The following ZMIZ1 variants were observed in gnomAD, a reference collection of about 807,000 sequenced individuals.
ZMIZ1 encodes zinc finger MIZ domain-containing protein 1.
In ZMIZ1, 17 loss-of-function variants were observed where a neutral mutation model predicts 113.9. That is an observed-to-expected ratio of 0.15 (90% CI 0.10 to 0.22). The LOEUF is 0.22. Among genes scored for constraint, ZMIZ1 ranks in the 10% least tolerant of loss-of-function variants. The pLI is 1.00. For synonymous variants in ZMIZ1, 607 were observed against 603.1 expected (o/e 1.01, Z -0.09); for missense variants, 1,059 against 1,477.8 (o/e 0.72, Z 4.65).
At chr10:79,114,500 T>C (rs1358282546) in intron 1 of ZMIZ1, among the ~76,000 whole-genome samples, 6 of 73,360 alleles carry the variant, frequency 8.2e-5, no homozygotes, top group East Asian at 7.8e-4. Context: ...TGTGCGTGTG[T>C]GTGTGCGTGT....
chr10:79,123,966 G>A (rs755250080), intron 2 of ZMIZ1, among the ~76,000 whole-genome samples: 3 of 152,248 alleles, frequency 2.0e-5, no homozygotes, highest in Non-Finnish European at 4.4e-5. Context: ...CCCACTGCGT[G>A]AAATCTGTGG....
At position 79,134,943 on chromosome 10, in the gene ZMIZ1, C is replaced by T. The variant is rs1196815675; in HGVS notation, c.-226-4739C>T. 8.5e-5 allele frequency among the ~76,000 whole-genome samples: 13 copies of T among 152,080 alleles called. No homozygotes were observed. The East Asian group carries it at 1.4e-3, about 16-fold the overall frequency. On this transcript the variant is annotated intron_variant, in intron 2 of 24. Transcript: ENST00000334512. ...AAGTGATTCTCCTGTCTCAGCCTCCCGAGTAGCTGGGATTACAGGCATGCG... is the reference window on the plus strand; with the variant it reads ...AAGTGATTCTCCTGTCTCAGCCTCCTGAGTAGCTGGGATTACAGGCATGCG...
chr10:79,244,460 C>T (rs903500044), intron 7 of ZMIZ1, among the ~76,000 whole-genome samples: 5 of 152,180 alleles, frequency 3.3e-5, no homozygotes, highest in Non-Finnish European at 5.9e-5. Context: ...AGCCATGGTG[C>T]GGTGGGCACC....
chr10:79,253,538 G>A (rs1455146208), intron 7 of ZMIZ1, among the ~76,000 whole-genome samples: 1 of 152,224 alleles, frequency 6.6e-6, no homozygotes, highest in Non-Finnish European at 1.5e-5. Flanking sequence ...CACGTATGCA[G>A]TGGCTTCTCC....
At position 79,130,343 on chromosome 10, in the gene ZMIZ1, A is replaced by G. The variant is rs12261220; in HGVS notation, c.-226-9339A>G. Among the ~76,000 whole-genome samples the G allele has an allele frequency of 8.3e-3, 1,262 of 152,208 alleles. 17 individuals carry two copies. The highest frequency in any genetic ancestry group is 0.029 in the African/African-American group (1,211 of 41,520). The stretch of plus-strand genomic sequence containing the variant: ...TTGTGCCCTCCACCCTCCAACCCCA[A>G]GGTCATGTGAAAGGTCTGGGGACAC... On this transcript the variant is annotated intron_variant, in intron 2 of 24. Coordinates refer to ENST00000334512, the MANE Select transcript of ZMIZ1 (RefSeq NM_020338.4).
Position 79,108,974 on chromosome 10 carries a change from G to A in ZMIZ1, c.-336-9941G>A, listed in dbSNP as rs557863386. 3.3e-5 allele frequency among the ~76,000 whole-genome samples: 5 copies of A among 152,254 alleles called. No individual in the cohort carries two copies. In the South Asian group the frequency reaches 1.0e-3, roughly 32 times the overall value. ...GCCCACGTGCTCTGTGTGCACCTGA[G>A]GCTGTCCACATCCCTGCCCACAGCC... is the stretch of plus-strand genomic sequence containing the variant. On this transcript the variant is annotated intron_variant, in intron 1 of 24. Transcript: ENST00000334512.
At chr10:79,070,295 G>A (rs1842220140) in intron 1 of ZMIZ1, among the ~76,000 whole-genome samples, 1 of 151,910 alleles carries the variant, frequency 6.6e-6, no homozygotes, top group African/African-American at 2.4e-5. Context: ...CAGGAAGCCG[G>A]CCGGGCGGGG....
chr10:79,289,566 G>C (rs1037031359), intron 8 of ZMIZ1, among the ~76,000 whole-genome samples: 2 of 152,202 alleles, frequency 1.3e-5, no homozygotes, highest in Non-Finnish European at 2.9e-5. Flanking sequence ...TCGGGGGAAA[G>C]GTGGCCACTT....
chr10:79,312,537 G>T, intron 24 of ZMIZ1, 105 bp from the exon 25 acceptor site: 1 of 1,246,882 alleles, frequency 8.0e-7, no homozygotes. Flanking sequence ...CTAGGGTCCT[G>T]AGAGGCAGGT....
chr10:79,196,095 T>G (rs746900777), intron 4 of ZMIZ1, among the ~76,000 whole-genome samples: 43 of 152,188 alleles, frequency 2.8e-4, no homozygotes, highest in Non-Finnish European at 4.9e-4. Context: ...CTCCAGAGAC[T>G]GGAGCCTCCA....
chr10:79,252,379 G>C (rs1850606465), intron 7 of ZMIZ1, among the ~76,000 whole-genome samples: 1 of 152,122 alleles, frequency 6.6e-6, no homozygotes, highest in South Asian at 2.1e-4. Flanking sequence ...TTTCTCCCCT[G>C]GGGTTTCTTC....
chr10:79,172,939 A>G (rs1846666590), intron 4 of ZMIZ1, among the ~76,000 whole-genome samples: 1 of 152,226 alleles, frequency 6.6e-6, no homozygotes, highest in Admixed American at 6.5e-5. Flanking sequence ...TTGATAATAC[A>G]GGTGTTTAAA....
At chr10:79,210,170 G>C (rs1848477441) in intron 6 of ZMIZ1, among the ~76,000 whole-genome samples, 1 of 152,214 alleles carries the variant, frequency 6.6e-6, no homozygotes, top group Non-Finnish European at 1.5e-5. Flanking sequence ...GGATGGAGGA[G>C]GTGGGAACCT....
intron 8 of ZMIZ1, among the ~76,000 whole-genome samples, chr10:79,278,395 TTTATTA>T (rs1205643792): frequency 1.3e-5 from 2 of 151,112 alleles, no homozygotes; most frequent in Admixed American, 6.6e-5. Context: ...AGTTTTTCTT[TTTATTA>T]TTATTATTTA....
chr10:79,115,047 A>C (rs1589288643), intron 1 of ZMIZ1, among the ~76,000 whole-genome samples: 1 of 152,226 alleles, frequency 6.6e-6, no homozygotes, highest in East Asian at 1.9e-4. Flanking sequence ...TGTGGGTTTA[A>C]CAATCAGCCC....
intron 4 of ZMIZ1, among the ~76,000 whole-genome samples, chr10:79,168,564 C>T (rs11597947): frequency 0.19 from 29,025 of 152,152 alleles, 3,117 homozygotes; most frequent in Middle Eastern, 0.24. Context: ...TGTGCACCCT[C>T]AGCTTCCTCT....
At chr10:79,204,637 C>T in intron 5 of ZMIZ1, among the ~76,000 whole-genome samples, 1 of 152,212 alleles carries the variant, frequency 6.6e-6, no homozygotes, top group Admixed American at 6.5e-5. Flanking sequence ...ATATTCATCT[C>T]AAAATCACAG....
chr10:79,091,742 G>C (rs1363922590), intron 1 of ZMIZ1, among the ~76,000 whole-genome samples: 1 of 152,206 alleles, frequency 6.6e-6, no homozygotes, highest in Non-Finnish European at 1.5e-5. Context: ...AGCTCAGCCA[G>C]CACCCATGGA....
chr10:79,279,164 G>T (rs1447991775), intron 8 of ZMIZ1, among the ~76,000 whole-genome samples: 1 of 151,260 alleles, frequency 6.6e-6, no homozygotes, highest in African/African-American at 2.4e-5. Context: ...CCGACCTCCC[G>T]GACGGGGCAG....
Sources: allele counts gnomAD v4.1 joint callset (sites outside exome capture counted in the v4.1 genomes callset), GRCh38; gene constraint gnomAD v4.1.1; transcripts MANE v1.5; gene names NCBI Gene and HGNC (gene_info 2026-07-23, HGNC 2026-07-21).